The following CCSER1 variants were observed in gnomAD, a reference collection of about 807,000 sequenced individuals.
The protein encoded by CCSER1 is serine-rich coiled-coil domain-containing protein 1.
Under a neutral mutation model 82.0 loss-of-function variants are expected in CCSER1, and 41 were observed. The observed-to-expected ratio is 0.50, with a 90% CI of 0.39 to 0.65. The LOEUF is 0.65. Ranked by LOEUF, CCSER1 falls within the 30% of genes least tolerant of loss-of-function variation. The pLI, the probability that CCSER1 is intolerant of heterozygous loss-of-function variation, is 0.00. For missense variants in CCSER1, 1,119 were observed against 1,064.2 expected, an observed-to-expected ratio of 1.05 and a Z score of -0.72; for synonymous variants, 414 against 383.9, an observed-to-expected ratio of 1.08 and a Z score of -0.92.
At chr4:90,260,904 C>T (rs994723738) in intron 1 of CCSER1, among the ~76,000 whole-genome samples, 1 of 151,924 alleles carries the variant, frequency 6.6e-6, no homozygotes, top group Non-Finnish European at 1.5e-5. Flanking sequence ...TTAGTAGAAA[C>T]GGAATTTCAC....
intron 9 of CCSER1, among the ~76,000 whole-genome samples, chr4:90,975,212 A>G (rs535362556): frequency 1.3e-3 from 194 of 151,458 alleles, no homozygotes; most frequent in Middle Eastern, 6.8e-3. Flanking sequence ...GGTTAAGAGA[A>G]GGGAGAGTAG....
At chr4:90,516,935 G>T (rs146749722) in intron 5 of CCSER1, among the ~76,000 whole-genome samples, 53 of 152,228 alleles carry the variant, frequency 3.5e-4, no homozygotes, top group African/African-American at 1.2e-3. Flanking sequence ...GGAGTGGGGA[G>T]ATACAAAGTT....
chr4:91,307,874 A>G (rs913899563), intron 10 of CCSER1, among the ~76,000 whole-genome samples: 2 of 151,946 alleles, frequency 1.3e-5, no homozygotes, highest in African/African-American at 2.4e-5. Flanking sequence ...TAATGGGTCC[A>G]TGAAGCAATG....
intron 5 of CCSER1, among the ~76,000 whole-genome samples, chr4:90,606,904 C>T (rs1306855286): frequency 6.6e-6 from 1 of 152,082 alleles, no homozygotes; most frequent in African/African-American, 2.4e-5. Context: ...TTTGCATTTC[C>T]ACACCAAATA....
intron 7 of CCSER1, among the ~76,000 whole-genome samples, chr4:90,789,551 A>G (rs541616340): frequency 1.2e-3 from 183 of 152,012 alleles, no homozygotes; most frequent in Non-Finnish European, 2.2e-3. Flanking sequence ...TGTAACTCCC[A>G]TAATTCTCAC....
chr4:90,656,811 T>G (rs1358512622), intron 6 of CCSER1, among the ~76,000 whole-genome samples: 3 of 152,042 alleles, frequency 2.0e-5, no homozygotes, highest in African/African-American at 7.2e-5. Context: ...AAATAAACTA[T>G]TCTTTTAGTG....
At chr4:90,709,222 TATACATTAATG>T (rs1172127212) in intron 6 of CCSER1, among the ~76,000 whole-genome samples, 1 of 152,180 alleles carries the variant, frequency 6.6e-6, no homozygotes, top group Non-Finnish European at 1.5e-5. Flanking sequence ...GAAATTATTA[TATACATTAATG>T]ATGCATTAAT....
At chr4:90,156,923 T>C (rs1477043324) in intron 1 of CCSER1, among the ~76,000 whole-genome samples, 1 of 152,334 alleles carries the variant, frequency 6.6e-6, no homozygotes, top group East Asian at 1.9e-4. Flanking sequence ...ATTATGATGT[T>C]AGCTGGTTAT....
At chr4:90,791,466 C>A (rs1755224170) in intron 7 of CCSER1, among the ~76,000 whole-genome samples, 1 of 152,192 alleles carries the variant, frequency 6.6e-6, no homozygotes, top group Admixed American at 6.5e-5. Flanking sequence ...CAGCCATCAA[C>A]ATTGAGGCAA....
intron 1 of CCSER1, among the ~76,000 whole-genome samples, chr4:90,155,836 T>C (rs1236849905): frequency 3.3e-5 from 5 of 151,490 alleles, no homozygotes; most frequent in Admixed American, 2.0e-4. Flanking sequence ...CCTGGATTCA[T>C]TAATTTTTTG....
chr4:90,597,337 T>C (rs1783462775), intron 5 of CCSER1, among the ~76,000 whole-genome samples: 1 of 152,084 alleles, frequency 6.6e-6, no homozygotes, highest in African/African-American at 2.4e-5. Context: ...ATTATATAAC[T>C]GCATTCAGTA....
intron 9 of CCSER1, among the ~76,000 whole-genome samples, chr4:90,932,982 G>GAAAGAAAGAAAGAAAGAA (rs771267852): frequency 5.3e-5 from 1 of 18,856 alleles, no homozygotes; most frequent in Non-Finnish European, 9.4e-5. Context: ...AAGAAAGAAA[G>GAAAGAAAGAAAGAAAGAA]AGAAAGAAAG....
At position 90,160,196 on chromosome 4, in the gene CCSER1, G is replaced by C. The variant is rs921071195; in HGVS notation, c.-42+32365G>C. Among the ~76,000 whole-genome samples the C allele has an allele frequency of 2.6e-5, 4 of 152,116 alleles. No individual in the cohort carries two copies. In the East Asian group the frequency reaches 7.7e-4, roughly 29 times the overall value. On this transcript the variant is annotated intron_variant, in intron 1 of 10. Coordinates refer to ENST00000509176, the MANE Select transcript of CCSER1 (RefSeq NM_001145065.2). ...AGTCCTTAAGAGGGTGTGTTGGCTTGGTGGAGGAGAGGGAGTAGACTGGAG... is the reference window on the plus strand; with the variant it reads ...AGTCCTTAAGAGGGTGTGTTGGCTTCGTGGAGGAGAGGGAGTAGACTGGAG...
At chr4:90,367,228 G>GAA (rs142543366) in intron 3 of CCSER1, among the ~76,000 whole-genome samples, 1 of 151,398 alleles carries the variant, frequency 6.6e-6, no homozygotes. Context: ...TTCTGTTCTG[G>GAA]AAAAAAACAA....
chr4:90,729,915 G>T (rs899818618), intron 7 of CCSER1, among the ~76,000 whole-genome samples: 6 of 151,836 alleles, frequency 4.0e-5, no homozygotes, highest in African/African-American at 9.7e-5. Context: ...AATAACAAAA[G>T]AACATATAGT....
At chr4:90,898,601 C>A (rs1724119151) in intron 8 of CCSER1, among the ~76,000 whole-genome samples, 1 of 151,750 alleles carries the variant, frequency 6.6e-6, no homozygotes, top group Non-Finnish European at 1.5e-5. Context: ...AATCTTTAAT[C>A]TGTCTTGAGT....
intron 9 of CCSER1, among the ~76,000 whole-genome samples, chr4:91,044,865 TG>T (rs1398007822): frequency 1.3e-5 from 2 of 152,236 alleles, no homozygotes; most frequent in Non-Finnish European, 1.5e-5. Flanking sequence ...TAATTCTCCC[TG>T]TCCGAAATGC....
intron 6 of CCSER1, among the ~76,000 whole-genome samples, chr4:90,653,502 T>G (rs935571009): frequency 7.9e-5 from 12 of 152,114 alleles, no homozygotes; most frequent in Admixed American, 5.9e-4. Flanking sequence ...ATTAAAATTA[T>G]GATAGACACC....
rs112222783 is a variant in CCSER1 at position 91,414,534 on chromosome 4, T to C, written c.2218-184038T>C. 8.9e-4 allele frequency among the ~76,000 whole-genome samples: 136 copies of C among 152,108 alleles called. 1 individual carries two copies. Among genetic ancestry groups the C allele is most frequent in the South Asian group, 4.6e-3 (22 of 4,824 alleles). ...GATCCATGAGACAGCCAGAAAACAA[T>C]GAACAAAATGGCAATAGTAAGACTA... is the stretch of plus-strand genomic sequence containing the variant. On this transcript the variant is annotated intron_variant, in intron 10 of 10. Coordinates refer to ENST00000509176, the MANE Select transcript of CCSER1 (RefSeq NM_001145065.2).
Sources: allele counts gnomAD v4.1 joint callset (sites outside exome capture counted in the v4.1 genomes callset), GRCh38; gene constraint gnomAD v4.1.1; transcripts MANE v1.5; gene names NCBI Gene and HGNC (gene_info 2026-07-23, HGNC 2026-07-21).